Variants in IFT43 observed in about 807,000 individuals in gnomAD.
IFT43 encodes the protein intraflagellar transport 43, also known as intraflagellar transport protein 43 homolog.
Under a neutral mutation model 32.3 loss-of-function variants are expected in IFT43, and 33 were observed. That is an observed-to-expected ratio of 1.02 (90% CI 0.77 to 1.37). The LOEUF (loss-of-function observed/expected upper bound fraction) is 1.37, where lower values mean the gene tolerates loss of function less well. Among genes scored for constraint, IFT43 ranks in the 40% most tolerant of loss-of-function variants. IFT43 has a pLI of 0.00. For synonymous variants in IFT43, 93 were observed against 98.2 expected (o/e 0.95, Z 0.31); for missense variants, 274 against 265.9 (o/e 1.03, Z -0.21).
intron 3 of IFT43, among the ~76,000 whole-genome samples, chr14:76,035,225 G>C (rs2036576407): frequency 6.6e-6 from 1 of 152,266 alleles, no homozygotes; most frequent in South Asian, 2.1e-4. Flanking sequence ...AACGGCAGGA[G>C]TGGAATTGTC....
chr14:76,036,312 TTTCC>T (rs140823134), intron 3 of IFT43, among the ~76,000 whole-genome samples: 22 of 151,950 alleles, frequency 1.4e-4, no homozygotes, highest in African/African-American at 3.9e-4. Context: ...TATTTAGCCA[TTTCC>T]TTCCTTCCTT....
chr14:76,057,392 G>T (rs1013921519), intron 3 of IFT43, among the ~76,000 whole-genome samples: 1 of 151,944 alleles, frequency 6.6e-6, no homozygotes, highest in African/African-American at 2.4e-5. Flanking sequence ...CACCATACCT[G>T]GCTAATTTTT....
chr14:75,999,263 ATATATATATGTATATATATTTTTT>A (rs1248516968), intron 2 of IFT43, among the ~76,000 whole-genome samples: 2 of 24,560 alleles, frequency 8.1e-5, no homozygotes, highest in Non-Finnish European at 1.3e-4. Flanking sequence ...ATATATATAT[ATATATATATGTATATATATTTTTT>A]TTTTTTTTTT....
chr14:75,988,838 G>A (rs775989553), intron 1 of IFT43, 47 bp from the exon 2 acceptor site: 3 of 1,612,482 alleles, frequency 1.9e-6, no homozygotes, highest in Middle Eastern at 1.7e-4. Flanking sequence ...CTCAGTAGTG[G>A]CCCAAATGAC....
intron 2 of IFT43, among the ~76,000 whole-genome samples, chr14:75,994,445 CTT>C (rs1341400641): frequency 6.6e-6 from 1 of 152,138 alleles, no homozygotes; most frequent in East Asian, 1.9e-4. Context: ...AAGATGAACT[CTT>C]TGTGTGATTT....
chr14:76,048,063 C>A (rs2036843446), intron 3 of IFT43, among the ~76,000 whole-genome samples: 1 of 152,130 alleles, frequency 6.6e-6, no homozygotes, highest in Admixed American at 6.5e-5. Context: ...TGTCACCTTG[C>A]CCCACTGCCC....
chr14:75,986,535 A>G (rs2139854309), intron 1 of IFT43, among the ~76,000 whole-genome samples: 1 of 152,254 alleles, frequency 6.6e-6, no homozygotes, highest in Non-Finnish European at 1.5e-5. Flanking sequence ...AGTGAAAAGG[A>G]AATGCAACAA....
intron 2 of IFT43, among the ~76,000 whole-genome samples, chr14:75,996,295 A>T (rs2139880043): frequency 6.6e-6 from 1 of 152,300 alleles, no homozygotes; most frequent in Middle Eastern, 3.4e-3. Context: ...CTAGGTGTGT[A>T]TCCCGGGTGT....
chr14:76,051,837 G>GC (rs915867726), intron 3 of IFT43, among the ~76,000 whole-genome samples: 2 of 152,096 alleles, frequency 1.3e-5, no homozygotes, highest in African/African-American at 4.8e-5. Context: ...CATGCCTTTG[G>GC]CCCCTGGCTG....
At chr14:76,057,214 C>G (rs1171580249) in intron 3 of IFT43, among the ~76,000 whole-genome samples, 1 of 151,178 alleles carries the variant, frequency 6.6e-6, no homozygotes, top group African/African-American at 2.4e-5. Context: ...TTTTTAAAAT[C>G]ATTTTAATTA....
chr14:76,075,707 C>T (rs889432844), intron 5 of IFT43, among the ~76,000 whole-genome samples: 35 of 152,176 alleles, frequency 2.3e-4, no homozygotes, highest in African/African-American at 8.0e-4. Context: ...ATGATGCCAC[C>T]TCAGTGGACT....
chr14:76,010,113 A>G (rs1208843464), intron 2 of IFT43, among the ~76,000 whole-genome samples: 1 of 152,116 alleles, frequency 6.6e-6, no homozygotes, highest in African/African-American at 2.4e-5. Context: ...CTTCTACCAC[A>G]TTGTTTTCTT....
chr14:76,014,613 A>G (rs1384360386), intron 2 of IFT43, among the ~76,000 whole-genome samples: 1 of 152,074 alleles, frequency 6.6e-6, no homozygotes, highest in Non-Finnish European at 1.5e-5. Flanking sequence ...TTTTTTCTTT[A>G]CATTTCCAAT....
intron 3 of IFT43, among the ~76,000 whole-genome samples, chr14:76,035,208 A>G (rs2036575967): frequency 1.3e-5 from 2 of 152,178 alleles, no homozygotes; most frequent in Admixed American, 6.5e-5. Flanking sequence ...CTGTCAGTTT[A>G]TTGATGAACG....
intron 2 of IFT43, among the ~76,000 whole-genome samples, chr14:76,019,358 G>A (rs1357758131): frequency 6.6e-6 from 1 of 151,052 alleles, no homozygotes; most frequent in Non-Finnish European, 1.5e-5. Flanking sequence ...AGCTTTGCTG[G>A]GTATAGTAAT....
At chr14:76,057,815 G>A (rs186635973) in intron 3 of IFT43, among the ~76,000 whole-genome samples, 19 of 152,272 alleles carry the variant, frequency 1.2e-4, no homozygotes, top group Non-Finnish European at 2.8e-4. Flanking sequence ...TGACAGAATA[G>A]TGGAAGTTTT....
At chr14:76,044,005 T>C (rs2036756542) in intron 3 of IFT43, among the ~76,000 whole-genome samples, 1 of 152,082 alleles carries the variant, frequency 6.6e-6, no homozygotes, top group Admixed American at 6.5e-5. Context: ...ACACTTTACT[T>C]ACTATCACCA....
At chr14:76,061,860 A>C (rs2037141205) in intron 5 of IFT43, among the ~76,000 whole-genome samples, 1 of 152,086 alleles carries the variant, frequency 6.6e-6, no homozygotes, top group Admixed American at 6.5e-5. Context: ...CAAAATCCAA[A>C]ATCTGAAATC....
At chr14:76,015,387 C>G (rs997667185) in intron 2 of IFT43, among the ~76,000 whole-genome samples, 1 of 152,134 alleles carries the variant, frequency 6.6e-6, no homozygotes, top group Admixed American at 6.5e-5. Context: ...TCCTGAGGTT[C>G]GCCAGTGGGA....
Sources: gnomAD v4.1 joint callset for allele counts (sites outside exome capture counted in the v4.1 genomes callset) on GRCh38, gnomAD v4.1.1 for gene constraint, MANE v1.5 for transcripts, NCBI Gene and HGNC (gene_info 2026-07-23, HGNC 2026-07-21) for gene names.